The following ADAM33 variants were observed in gnomAD, a reference collection of about 807,000 sequenced individuals.
ADAM33 encodes the protein ADAM metallopeptidase domain 33.
In ADAM33, 103 loss-of-function variants were observed where a neutral mutation model predicts 106.2. The observed-to-expected ratio is 0.97, with a 90% confidence interval of 0.83 to 1.14. ADAM33 has a LOEUF of 1.14. ADAM33 is among the 50% of genes most tolerant of loss of function. ADAM33 has a pLI of 0.00. For synonymous variants in ADAM33, 483 were observed against 453.0 expected (o/e 1.07, Z -0.84); for missense variants, 1,120 against 1,096.6 (o/e 1.02, Z -0.30).
Position 3,679,530 on chromosome 20 carries a change from C to A in ADAM33, c.139G>T (p.Asp47Tyr). 1 of 1,610,900 alleles carries A rather than the reference C, an allele frequency of 6.2e-7. No individual in the cohort carries two copies. Among genetic ancestry groups the A allele is most frequent in the Non-Finnish European group, 8.5e-7 (1 of 1,178,786 alleles). ...CTGACGGTGCGCCAGGGTTGTCCAT[C>A]CAGGACCCAGTGCGGGGTGACTGGC... is the stretch of plus-strand genomic sequence containing the variant. ...GQPVTPHWVL[D>Y]GQPWRTVSLE... Residue 47 changes from aspartate (D) to tyrosine (Y), a missense_variant, in exon 2 of 22, where the codon GAT (aspartate) becomes TAT (tyrosine). Asp to Tyr is a radical substitution (Grantham distance 160, BLOSUM62 -3). Coordinates refer to ENST00000356518, the MANE Select transcript of ADAM33 (RefSeq NM_025220.5).
chr20:3,668,647 C>T lies in ADAM33; in HGVS notation c.*316G>A, dbSNP rs2087339650. On this transcript the variant is annotated 3_prime_UTR_variant, in exon 22 of 22. Transcript: ENST00000356518. ...CACACCAGACTCCCAGGACAGAGCC[C>T]TTTTGGGATGGCCAGCACTACCCAG... 4.7e-6 allele frequency: 2 copies of T among 422,268 alleles called. No homozygotes were observed. Among genetic ancestry groups the T allele is most frequent in the South Asian group, 2.4e-5 (1 of 41,162 alleles). The allele number at this position is 422,268 out of a possible 1,614,324, so 26.2% of individuals were successfully genotyped here. A position where few individuals can be genotyped will look rare whatever the true frequency, so the allele number is the denominator to read the frequency against.
Position 3,668,732 on chromosome 20 carries a change from A to C in ADAM33, c.*231T>G, listed in dbSNP as rs899540271. On this transcript the variant is annotated 3_prime_UTR_variant, in exon 22 of 22. Coordinates refer to ENST00000356518, the MANE Select transcript of ADAM33 (RefSeq NM_025220.5). ...CCTTTGCTTCTGGGACTGATGGTTT[A>C]TTGAGCTGGAGAGTGTGCCCAGCAG... is the stretch of plus-strand genomic sequence containing the variant. 2 of 565,436 alleles carry C rather than the reference A, an allele frequency of 3.5e-6. No homozygotes were observed. The highest frequency in any genetic ancestry group is 3.2e-6 in the Non-Finnish European group (1 of 314,268). The allele number at this position is 565,436 out of a possible 1,614,324, so 35.0% of individuals were successfully genotyped here. A position where few individuals can be genotyped will look rare whatever the true frequency, so the allele number is the denominator to read the frequency against.
chr20:3,676,800 C>A (rs1255579749), intron 3 of ADAM33, among the ~76,000 whole-genome samples: 1 of 152,178 alleles, frequency 6.6e-6, no homozygotes, highest in Admixed American at 6.5e-5. Context: ...TGCAAATGTC[C>A]ACTAGGTGGT....
At chr20:3,671,803 C>T in intron 15 of ADAM33, 24 bp from the exon 16 acceptor site, 1 of 1,552,904 alleles carries the variant, frequency 6.4e-7, no homozygotes, top group Non-Finnish European at 8.7e-7. Flanking sequence ...AGAGGGGGGT[C>T]AACAGCTGCA....
rs1568811636 is a variant in ADAM33 at position 3,674,633 on chromosome 20, GC to G, written c.470del (p.Gly157AlafsTer34). 1.9e-6 allele frequency: 3 copies of G among 1,612,948 alleles called. No homozygotes were observed. The highest frequency in any genetic ancestry group is 2.5e-6 in the Non-Finnish European group (3 of 1,179,682). On this transcript the variant is annotated frameshift_variant, in exon 6 of 22. Transcript: ENST00000356518. LOFTEE classifies it high-confidence loss of function. ...SYYLRPWPPR[G>X]SKDFSTHEIF... is the part of the protein sequence containing the mutation. ...TCTCGTGGGTTGAGAAGTCCTTGGA[GC>G]CCCGGGGTGGCCAGGGACGCAGATA...
At chr20:3,680,799 G>C (rs75274289) in intron 1 of ADAM33, among the ~76,000 whole-genome samples, 7,667 of 152,274 alleles carry the variant, frequency 0.05, 600 homozygotes, top group African/African-American at 0.17. Context: ...TGTGGGTGCT[G>C]TCCACATGGC....
At chr20:3,678,172 T>C (rs1227177123) in intron 2 of ADAM33, among the ~76,000 whole-genome samples, 2 of 152,256 alleles carry the variant, frequency 1.3e-5, no homozygotes, top group African/African-American at 2.4e-5. Context: ...ATACTCGAGG[T>C]CCCTGTTCCT....
chr20:3,673,974 G>T, intron 8 of ADAM33, 63 bp from the exon 9 acceptor site: 15 of 1,597,516 alleles, frequency 9.4e-6, no homozygotes, highest in Non-Finnish European at 1.3e-5. Context: ...GTCCTTCGTG[G>T]GGCGCCCTTC....
At position 3,669,541 on chromosome 20, in the gene ADAM33, C is replaced by T. The variant is rs537151910; in HGVS notation, c.2332+5G>A. On this transcript the variant is annotated splice_donor_5th_base_variant and intron_variant, in intron 20 of 21. Coordinates refer to ENST00000356518, the MANE Select transcript of ADAM33 (RefSeq NM_025220.5). ...CTCTCCACCTCCCCCTGGTGCCTCA[C>T]TCACCCAGGGGCCAGGGCTGTCCAG... is the stretch of plus-strand genomic sequence containing the variant. 1.3e-6 allele frequency: 2 copies of T among 1,580,304 alleles called. No individual in the cohort carries two copies. The highest frequency in any genetic ancestry group is 4.6e-5 in the East Asian group (2 of 43,944).
Position 3,669,547 on chromosome 20 carries a change from C to A in ADAM33, c.2331G>T (p.Leu777=). Residue 777 remains leucine (L), a splice_region_variant and synonymous_variant, in exon 20 of 22, where the codon CTG becomes CTT. Transcript: ENST00000356518. The stretch of plus-strand genomic sequence containing the variant: ...ACCTCCCCCTGGTGCCTCACTCACC[C>A]AGGGGCCAGGGCTGTCCAGTGGCTG... ...GPTATGQPWP[L]DPENSHEPSS... is the part of the protein sequence containing the mutation. 1 of 1,585,758 alleles carries A rather than the reference C, an allele frequency of 6.3e-7. No individual in the cohort carries two copies. The highest frequency in any genetic ancestry group is 1.2e-5 in the South Asian group (1 of 86,528).
intron 2 of ADAM33, among the ~76,000 whole-genome samples, chr20:3,678,996 C>T (rs1276058922): frequency 6.6e-6 from 1 of 152,108 alleles, no homozygotes; most frequent in African/African-American, 2.4e-5. Context: ...ACCACTGCCC[C>T]CCCGATACCA....
rs575979243 is a variant in ADAM33 at position 3,680,832 on chromosome 20, G to A, written c.97+1076C>T. 9.9e-5 allele frequency among the ~76,000 whole-genome samples: 15 copies of A among 152,274 alleles called. No individual in the cohort carries two copies. The East Asian group carries it at 1.7e-3, about 18-fold the overall frequency. ...GGCCTTGCGCGCACGTGCTGGCCAC[G>A]GGCACCCTGACCCCAATGAGGGAGA... On this transcript the variant is annotated intron_variant, in intron 1 of 21. Coordinates refer to ENST00000356518, the MANE Select transcript of ADAM33 (RefSeq NM_025220.5).
chr20:3,679,691 A>G, intron 1 of ADAM33, 120 bp from the exon 2 acceptor site: 3 of 824,376 alleles, frequency 3.6e-6, no homozygotes, highest in Non-Finnish European at 5.8e-6. Flanking sequence ...TTTGGGGCAG[A>G]CTTCACCTTC....
chr20:3,673,727 C>CG lies in ADAM33; in HGVS notation c.905+17dup, dbSNP rs1256905456. Reference sequence around the variant, plus strand: ...GGCCGCCCCACCCGGGACCCGCGTCCGGGTCAGAGGCACCCACGTGAGCAG... The same window carrying CG: ...GGCCGCCCCACCCGGGACCCGCGTCCGGGGTCAGAGGCACCCACGTGAGCAG... On this transcript the variant is annotated intron_variant, in intron 9 of 21. Transcript: ENST00000356518. 8 of 1,408,826 alleles carry CG rather than the reference C, an allele frequency of 5.7e-6. No individual in the cohort carries two copies. In the African/African-American group the frequency reaches 1.1e-4, roughly 19 times the overall value. The allele number at this position is 1,408,826 out of a possible 1,614,324, so 87.3% of individuals were successfully genotyped here.
intron 2 of ADAM33, 128 bp downstream of exon 2, chr20:3,679,364 G>T: frequency 2.2e-6 from 2 of 893,174 alleles, no homozygotes; most frequent in Non-Finnish European, 1.7e-6. Flanking sequence ...GGGGAGGCAG[G>T]GGCCTATAGG....
intron 12 of ADAM33, 43 bp downstream of exon 12, chr20:3,672,678 C>A: frequency 6.2e-7 from 1 of 1,606,658 alleles, no homozygotes; most frequent in South Asian, 1.1e-5. Context: ...CGCCCCAGAC[C>A]TGAGCGGAGA....
rs372607373 is a variant in ADAM33 at position 3,679,249 on chromosome 20, A to G, written c.177+243T>C. Among the ~76,000 whole-genome samples the G allele has an allele frequency of 4.0e-5, 6 of 149,222 alleles. 1 individual carries two copies. Among genetic ancestry groups the G allele is most frequent in the South Asian group, 2.1e-4 (1 of 4,714 alleles). On this transcript the variant is annotated intron_variant, in intron 2 of 21. Transcript: ENST00000356518. Reference sequence around the variant, plus strand: ...CCCAGATCATCCAGGGAGGGAGGGAAAGAGGGAGGTGGGGTGGAGAAAGCT... The same window carrying G: ...CCCAGATCATCCAGGGAGGGAGGGAGAGAGGGAGGTGGGGTGGAGAAAGCT...
At chr20:3,673,329 C>CA in intron 11 of ADAM33, 25 bp downstream of exon 11, 2 of 1,536,628 alleles carry the variant, frequency 1.3e-6, no homozygotes, top group Non-Finnish European at 1.7e-6. Flanking sequence ...CGCCCCGCCG[C>CA]AGCCCCGACC....
At chr20:3,676,751 A>T (rs1215462686) in intron 3 of ADAM33, among the ~76,000 whole-genome samples, 2 of 152,068 alleles carry the variant, frequency 1.3e-5, no homozygotes, top group Non-Finnish European at 1.5e-5. Context: ...GTGCCGGCTC[A>T]TCTTTTCCCT....
Sources: allele counts gnomAD v4.1 joint callset (sites outside exome capture counted in the v4.1 genomes callset), GRCh38; gene constraint gnomAD v4.1.1; transcripts MANE v1.5; gene names NCBI Gene and HGNC (gene_info 2026-07-23, HGNC 2026-07-21).